The following SGCZ variants were observed in gnomAD, a reference collection of about 807,000 sequenced individuals.
SGCZ encodes the protein sarcoglycan zeta.
In SGCZ, 40 loss-of-function variants were observed where a neutral mutation model predicts 41.3. The observed-to-expected ratio is 0.97, with a 90% CI of 0.75 to 1.26. The LOEUF (loss-of-function observed/expected upper bound fraction) is 1.26, where lower values mean the gene tolerates loss of function less well. SGCZ is among the 50% of genes most tolerant of loss of function. The pLI is 0.00. For missense variants in SGCZ, 552 were observed against 369.8 expected, an observed-to-expected ratio of 1.49 and a Z score of -4.04; for synonymous variants, 206 against 137.5, an observed-to-expected ratio of 1.50 and a Z score of -3.49.
At position 14,085,062 on chromosome 8, in the gene SGCZ, C is replaced by T. The variant is rs1183419189; in HGVS notation, c.*5381G>A. Among the ~76,000 whole-genome samples the T allele has an allele frequency of 6.6e-6, 1 of 151,648 alleles. No individual in the cohort carries two copies. Among genetic ancestry groups the T allele is most frequent in the African/African-American group, 2.4e-5 (1 of 41,356 alleles). On this transcript the variant is annotated 3_prime_UTR_variant, in exon 8 of 8. Transcript: ENST00000382080. ...AAAATATACCCCAATTAAGTTCCAT[C>T]TAAACAAAAGATACAATAGACTGAT...
intron 3 of SGCZ, among the ~76,000 whole-genome samples, chr8:14,253,282 G>A (rs1585283464): frequency 6.6e-6 from 1 of 150,422 alleles, no homozygotes; most frequent in East Asian, 2.0e-4. Context: ...GTATCAGTCA[G>A]GAAGAAGTGT....
At chr8:14,900,491 A>G (rs2130759184) in intron 1 of SGCZ, among the ~76,000 whole-genome samples, 1 of 152,252 alleles carries the variant, frequency 6.6e-6, no homozygotes, top group African/African-American at 2.4e-5. Flanking sequence ...ACTCCGACCC[A>G]GCAGAATGGA....
At chr8:14,596,853 A>G in intron 1 of SGCZ, among the ~76,000 whole-genome samples, 1 of 152,254 alleles carries the variant, frequency 6.6e-6, no homozygotes. Flanking sequence ...ATAATAAAGA[A>G]ACAGAATTTT....
At chr8:14,640,136 T>C (rs2117425147) in intron 1 of SGCZ, among the ~76,000 whole-genome samples, 1 of 151,806 alleles carries the variant, frequency 6.6e-6, no homozygotes, top group East Asian at 2.0e-4. Flanking sequence ...AGGTTTAAAT[T>C]TAAGGCAAGA....
At chr8:15,041,495 A>C (rs970362513) in intron 1 of SGCZ, among the ~76,000 whole-genome samples, 14 of 152,036 alleles carry the variant, frequency 9.2e-5, no homozygotes, top group Non-Finnish European at 1.0e-4. Context: ...TTTTCTTTAT[A>C]TGGTTTTAGT....
At position 15,104,322 on chromosome 8, in the gene SGCZ, T is replaced by A. The variant is rs558190338; in HGVS notation, c.39+133263A>T. Among the ~76,000 whole-genome samples the A allele has an allele frequency of 7.9e-5, 12 of 152,222 alleles. No homozygotes were observed. The South Asian group carries it at 2.5e-3, about 32-fold the overall frequency. On this transcript the variant is annotated intron_variant, in intron 1 of 7. Transcript: ENST00000382080. Reference sequence around the variant, plus strand: ...GGGTGGAATTTTGTGCCTAAAGCAATGGATGCAAAGCATTAGATAAAAGCT... The same window carrying A: ...GGGTGGAATTTTGTGCCTAAAGCAAAGGATGCAAAGCATTAGATAAAAGCT...
chr8:15,034,069 C>T (rs1439201837), intron 1 of SGCZ, among the ~76,000 whole-genome samples: 1 of 149,026 alleles, frequency 6.7e-6, no homozygotes, highest in Non-Finnish European at 1.5e-5. Context: ...CAAAAAGACA[C>T]AATAGCACAA....
At chr8:14,239,841 G>A (rs1209470977) in intron 3 of SGCZ, among the ~76,000 whole-genome samples, 1 of 142,120 alleles carries the variant, frequency 7.0e-6, no homozygotes, top group Non-Finnish European at 1.5e-5. Flanking sequence ...GGCGGAGCTT[G>A]CAGTGAGCCG....
chr8:14,511,943 A>T (rs955154171), intron 2 of SGCZ, among the ~76,000 whole-genome samples: 1 of 152,170 alleles, frequency 6.6e-6, no homozygotes, highest in African/African-American at 2.4e-5. Context: ...TATAGATTTT[A>T]TATAATAAAG....
At chr8:14,872,610 A>T (rs1410019754) in intron 1 of SGCZ, among the ~76,000 whole-genome samples, 1 of 152,054 alleles carries the variant, frequency 6.6e-6, no homozygotes, top group Non-Finnish European at 1.5e-5. Context: ...AGTTCTTTAA[A>T]CCACACAGTA....
intron 2 of SGCZ, among the ~76,000 whole-genome samples, chr8:14,401,859 CCA>C (rs1160569918): frequency 3.3e-5 from 5 of 150,642 alleles, no homozygotes; most frequent in Non-Finnish European, 7.4e-5. Flanking sequence ...TGAGGAATCG[CCA>C]CACTGACTTC....
At chr8:14,403,906 T>A (rs918206180) in intron 2 of SGCZ, among the ~76,000 whole-genome samples, 1 of 152,140 alleles carries the variant, frequency 6.6e-6, no homozygotes, top group Non-Finnish European at 1.5e-5. Context: ...GACAAGAAAG[T>A]CTAGGTTTCA....
intron 5 of SGCZ, among the ~76,000 whole-genome samples, chr8:14,120,719 A>T (rs951554849): frequency 2.6e-5 from 4 of 152,118 alleles, no homozygotes; most frequent in Non-Finnish European, 1.5e-5. Context: ...AATGTAATGC[A>T]TGTTCTGTGA....
At chr8:15,209,948 C>T (rs1801187721) in intron 1 of SGCZ, among the ~76,000 whole-genome samples, 1 of 152,044 alleles carries the variant, frequency 6.6e-6, no homozygotes, top group Non-Finnish European at 1.5e-5. Flanking sequence ...TAGGAGATGG[C>T]AGTTATGGAG....
At chr8:14,435,175 T>C (rs896339959) in intron 2 of SGCZ, among the ~76,000 whole-genome samples, 11 of 152,254 alleles carry the variant, frequency 7.2e-5, no homozygotes, top group Admixed American at 7.2e-4. Context: ...TCACCACCGA[T>C]ATGGATTCTC....
intron 1 of SGCZ, among the ~76,000 whole-genome samples, chr8:15,079,912 T>C (rs1805678003): frequency 6.6e-6 from 1 of 152,174 alleles, no homozygotes; most frequent in East Asian, 1.9e-4. Context: ...ATCCCCAGTG[T>C]CCACTGTTTC....
At chr8:14,757,059 T>C (rs1281420555) in intron 1 of SGCZ, among the ~76,000 whole-genome samples, 3 of 152,080 alleles carry the variant, frequency 2.0e-5, no homozygotes, top group South Asian at 2.1e-4. Context: ...AACTTTTTCT[T>C]TTTTTTTGAG....
chr8:15,043,507 T>C (rs537043805), intron 1 of SGCZ, among the ~76,000 whole-genome samples: 62 of 152,210 alleles, frequency 4.1e-4, no homozygotes, highest in Non-Finnish European at 6.8e-4. Context: ...ATATTGCTAC[T>C]CTGAGTTAAA....
At position 14,236,992 on chromosome 8, in the gene SGCZ, T is replaced by C. The variant is rs989292439; in HGVS notation, c.424+600A>G. 1.9e-4 allele frequency among the ~76,000 whole-genome samples: 29 copies of C among 152,158 alleles called. 1 individual carries two copies. Among genetic ancestry groups the C allele is most frequent in the Admixed American group, 1.4e-3 (21 of 15,286 alleles). ...ATTTCAACATCAAATATAGAAGTAA[T>C]TGATAAATGTTAATATTTATTATAC... On this transcript the variant is annotated intron_variant, in intron 4 of 7. Transcript: ENST00000382080.
Sources: gnomAD v4.1 joint callset for allele counts (sites outside exome capture counted in the v4.1 genomes callset) on GRCh38, gnomAD v4.1.1 for gene constraint, MANE v1.5 for transcripts, NCBI Gene and HGNC (gene_info 2026-07-23, HGNC 2026-07-21) for gene names.